CCSER2: variants seen among roughly 807,000 people sequenced by gnomAD.
CCSER2 encodes serine-rich coiled-coil domain-containing protein 2.
Under a neutral mutation model 92.3 loss-of-function variants are expected in CCSER2, and 46 were observed. The ratio of observed to expected loss-of-function variants is 0.50; its 90% confidence interval spans 0.39 to 0.64. The LOEUF is 0.64. Among genes scored for constraint, CCSER2 ranks in the 30% least tolerant of loss-of-function variants. The pLI is 0.00. For missense variants in CCSER2, 1,244 were observed against 1,238.9 expected (o/e 1.00, Z -0.06); for synonymous variants, 433 against 431.4 (o/e 1.00, Z -0.04).
intron 3 of CCSER2, among the ~76,000 whole-genome samples, chr10:84,416,500 ATAATTTTTCTAGTTACTTTTAGTCTTTGG>A (rs1238573401): frequency 9.8e-5 from 15 of 152,358 alleles, no homozygotes; most frequent in African/African-American, 3.6e-4. Context: ...TGTTTTTCAA[ATAATTTTTCTAGTTACTTTTAGTCTTTGG>A]AGGGCCCAAC....
At chr10:84,332,405 T>A (rs1427141495) in intron 1 of CCSER2, among the ~76,000 whole-genome samples, 1 of 130,986 alleles carries the variant, frequency 7.6e-6, no homozygotes, top group Admixed American at 7.8e-5. Flanking sequence ...TTATTAAATT[T>A]ATTTTTTTAT....
intron 1 of CCSER2, among the ~76,000 whole-genome samples, chr10:84,348,439 GTGGAAAGAGAGGGAGAGGGAGACCA>G (rs543929816): frequency 0.027 from 4,172 of 152,006 alleles, 69 homozygotes; most frequent in Non-Finnish European, 0.035. Context: ...GAGGGAGACC[GTGGAAAGAGAGGGAGAGGGAGACCA>G]TGGAAAGAGA....
Position 84,372,004 on chromosome 10 carries a change from G to A in CCSER2, c.952G>A (p.Val318Ile). 1.2e-6 allele frequency: 2 copies of A among 1,613,726 alleles called. No individual in the cohort carries two copies. The highest frequency in any genetic ancestry group is 1.7e-6 in the Non-Finnish European group (2 of 1,179,774). The change falls in exon 2 of 10, where the codon GTT (valine) becomes ATT (isoleucine). Residue 318 changes from valine to isoleucine, a missense_variant. By Grantham distance (29) the Val-to-Ile change is conservative (BLOSUM62 3). Coordinates refer to ENST00000372088, the MANE Select transcript of CCSER2 (RefSeq NM_001284240.2). ...AACTTCTACTTTAGGTTATAGAATG[G>A]TTCATCCCTCTCTACTGAAATCTAG... ...GVTSTLGYRM[V>I]HPSLLKSSRS... is the part of the protein sequence containing the mutation.
chr10:84,439,388 C>T (rs1844388477), intron 6 of CCSER2, among the ~76,000 whole-genome samples: 1 of 152,080 alleles, frequency 6.6e-6, no homozygotes, highest in African/African-American at 2.4e-5. Flanking sequence ...AGATACCTTT[C>T]GTTTGGTTTT....
intron 7 of CCSER2, among the ~76,000 whole-genome samples, chr10:84,465,343 T>TA (rs1491161006): frequency 8.3e-6 from 1 of 120,538 alleles, no homozygotes; most frequent in African/African-American, 3.6e-5. Flanking sequence ...TTTTTTTTTT[T>TA]AGACGGAGCC....
intron 9 of CCSER2, among the ~76,000 whole-genome samples, chr10:84,486,684 T>G (rs1247974695): frequency 6.6e-6 from 1 of 152,356 alleles, no homozygotes; most frequent in East Asian, 1.9e-4. Flanking sequence ...TTTCTCCCCT[T>G]CTGTAGGTTG....
At chr10:84,499,008 G>A (rs1466365560) in intron 9 of CCSER2, among the ~76,000 whole-genome samples, 2 of 152,182 alleles carry the variant, frequency 1.3e-5, no homozygotes, top group East Asian at 3.8e-4. Flanking sequence ...GCATGTCCAC[G>A]TAACCAGTGG....
At chr10:84,376,657 T>G (rs1018297371) in intron 3 of CCSER2, among the ~76,000 whole-genome samples, 1 of 152,104 alleles carries the variant, frequency 6.6e-6, no homozygotes, top group Non-Finnish European at 1.5e-5. Flanking sequence ...TTGTGAAGAT[T>G]TTGATATATG....
At chr10:84,375,536 T>G (rs968329482) in intron 3 of CCSER2, among the ~76,000 whole-genome samples, 1 of 4,998 alleles carries the variant, frequency 2.0e-4, no homozygotes, top group African/African-American at 4.2e-4. Flanking sequence ...TGTTGGTTTG[T>G]TTTTTTTTTT....
At position 84,501,834 on chromosome 10, in the gene CCSER2, A is replaced by AATAT. The variant is rs1554868293; in HGVS notation, c.2326-11593_2326-11590dup. 1.2e-3 allele frequency among the ~76,000 whole-genome samples: 47 copies of AATAT among 40,172 alleles called. 8 individuals carry two copies. The highest frequency in any genetic ancestry group is 0.01 in the East Asian group (13 of 1,250). 26.4% of individuals were successfully genotyped at this position (40,172 alleles called of 152,430 possible). A position where few individuals can be genotyped will look rare whatever the true frequency, so the allele number is the denominator to read the frequency against. On this transcript the variant is annotated intron_variant, in intron 9 of 9. Coordinates refer to ENST00000372088, the MANE Select transcript of CCSER2 (RefSeq NM_001284240.2). ...TTAGTCATCTAGGGAAAAAAAAAAA[A>AATAT]ATATATATATATATATATATATATA...
At chr10:84,347,575 C>T (rs1438582434) in intron 1 of CCSER2, among the ~76,000 whole-genome samples, 6 of 151,024 alleles carry the variant, frequency 4.0e-5, no homozygotes, top group Middle Eastern at 3.4e-3. Flanking sequence ...CCCTCGCGGA[C>T]GGGGCGGCTG....
intron 3 of CCSER2, among the ~76,000 whole-genome samples, chr10:84,388,524 A>T (rs1841348894): frequency 6.6e-6 from 1 of 152,198 alleles, no homozygotes; most frequent in South Asian, 2.1e-4. Flanking sequence ...CCTATTAAAA[A>T]GTGACAGCAA....
At chr10:84,483,980 T>TATATATAA (rs1564711565) in intron 9 of CCSER2, among the ~76,000 whole-genome samples, 2 of 124,666 alleles carry the variant, frequency 1.6e-5, no homozygotes, top group African/African-American at 5.9e-5. Context: ...TATATATATA[T>TATATATAA]ATATATATAT....
At chr10:84,364,594 A>T (rs1413449578) in intron 1 of CCSER2, among the ~76,000 whole-genome samples, 1 of 152,246 alleles carries the variant, frequency 6.6e-6, no homozygotes, top group Non-Finnish European at 1.5e-5. Flanking sequence ...AACAAAAAGT[A>T]TGAAGTGGTA....
rs187090533 is a variant in CCSER2, at chr10:84,338,908, G to C, written c.-40+10100G>C. On this transcript the variant is annotated intron_variant, in intron 1 of 9. Transcript: ENST00000372088. ...TTCATTTATGTTTAAGTAAATAGTA[G>C]TCAATATTTAGTGTTGGAGCATCAT... is the stretch of plus-strand genomic sequence containing the variant. Among the ~76,000 whole-genome samples the C allele has an allele frequency of 7.7e-3, 1,175 of 152,164 alleles. 9 individuals carry two copies. Among genetic ancestry groups the C allele is most frequent in the South Asian group, 0.028 (136 of 4,828 alleles).
At chr10:84,433,527 T>G (rs1472611579) in intron 5 of CCSER2, among the ~76,000 whole-genome samples, 1 of 152,124 alleles carries the variant, frequency 6.6e-6, no homozygotes, top group Non-Finnish European at 1.5e-5. Context: ...ACTTTTAGAT[T>G]AGCATGAAAT....
chr10:84,482,781 T>C (rs1847531583), intron 9 of CCSER2, among the ~76,000 whole-genome samples: 2 of 152,308 alleles, frequency 1.3e-5, no homozygotes, highest in South Asian at 4.1e-4. Context: ...TGACCTGTCA[T>C]GTAATTACCT....
At chr10:84,407,826 G>A (rs748038164) in intron 3 of CCSER2, among the ~76,000 whole-genome samples, 1 of 152,114 alleles carries the variant, frequency 6.6e-6, no homozygotes, top group Non-Finnish European at 1.5e-5. Flanking sequence ...TCAATGCCTA[G>A]CCCCCCAAAT....
intron 9 of CCSER2, among the ~76,000 whole-genome samples, chr10:84,481,083 G>A: frequency 6.6e-6 from 1 of 152,090 alleles, no homozygotes; most frequent in East Asian, 1.9e-4. Context: ...TGGCCGTGAT[G>A]TTAGGTTGTG....
Sources: allele counts gnomAD v4.1 joint callset (sites outside exome capture counted in the v4.1 genomes callset), GRCh38; gene constraint gnomAD v4.1.1; transcripts MANE v1.5; gene names NCBI Gene and HGNC (gene_info 2026-07-23, HGNC 2026-07-21).